Variants in PRELID2 observed in about 807,000 individuals in gnomAD.
PRELID2 encodes PRELI domain containing 2, also known as PRELI domain-containing protein 2.
PRELID2 carries 25 observed loss-of-function variants against 28.4 expected under a neutral mutation model. That is an observed-to-expected ratio of 0.88 (90% confidence interval 0.64 to 1.23). PRELID2 has a LOEUF of 1.23. Ranked by LOEUF, PRELID2 falls within the 50% of genes most tolerant of loss-of-function variation. The probability of loss-of-function intolerance (pLI) is 0.00; values close to 1 mark genes in which losing one functional copy is unlikely to be tolerated. For missense variants in PRELID2, 201 were observed against 214.4 expected (o/e 0.94, Z 0.39); for synonymous variants, 76 against 71.6 (o/e 1.06, Z -0.31).
chr5:145,363,405 C>T, the PRELID2 span, among the ~76,000 whole-genome samples: 75 of 152,074 alleles, frequency 4.9e-4, no homozygotes, highest in African/African-American at 1.7e-3. Context: ...AAATCAAAAT[C>T]CTGTGACAAG....
At chr5:145,310,969 C>T in the PRELID2 span, among the ~76,000 whole-genome samples, 2 of 152,004 alleles carry the variant, frequency 1.3e-5, no homozygotes, top group African/African-American at 4.8e-5. Flanking sequence ...TTCATATTTG[C>T]TTCCTCAGTC....
At chr5:145,358,925 T>A in the PRELID2 span, among the ~76,000 whole-genome samples, 1 of 152,196 alleles carries the variant, frequency 6.6e-6, no homozygotes, top group African/African-American at 2.4e-5. Context: ...AGGATGATAG[T>A]ACTAGCTTTG....
chr5:145,351,988 C>T, the PRELID2 span, among the ~76,000 whole-genome samples: 1 of 152,188 alleles, frequency 6.6e-6, no homozygotes, highest in Non-Finnish European at 1.5e-5. Context: ...GGCATCTCCA[C>T]CCCTGTGGCT....
chr5:145,571,525 A>G (rs1017518059), intron 1 of PRELID2, among the ~76,000 whole-genome samples: 4 of 152,186 alleles, frequency 2.6e-5, no homozygotes, highest in African/African-American at 9.7e-5. Flanking sequence ...ACCCTAATAT[A>G]TATTTCTTTG....
At chr5:145,641,975 A>G (rs1754115396) in intron 1 of PRELID2, among the ~76,000 whole-genome samples, 1 of 152,204 alleles carries the variant, frequency 6.6e-6, no homozygotes, top group African/African-American at 2.4e-5. Flanking sequence ...CAATATACAT[A>G]CGTGTGCATG....
chr5:145,435,728 G>C, the PRELID2 span, among the ~76,000 whole-genome samples: 1 of 152,040 alleles, frequency 6.6e-6, no homozygotes, highest in Non-Finnish European at 1.5e-5. Context: ...TTCCCATTTG[G>C]TGGAAATAAT....
intron 1 of PRELID2, among the ~76,000 whole-genome samples, chr5:145,713,203 C>A (rs796359941): frequency 5.3e-5 from 8 of 150,930 alleles, no homozygotes; most frequent in African/African-American, 1.7e-4. Flanking sequence ...CCTAAACAAG[C>A]TGAACAAAAA....
At chr5:145,524,689 C>T (rs1752592696) in intron 1 of PRELID2, among the ~76,000 whole-genome samples, 2 of 152,086 alleles carry the variant, frequency 1.3e-5, no homozygotes, top group Non-Finnish European at 2.9e-5. Flanking sequence ...GTGCATAAAC[C>T]CACAAAACTA....
chr5:145,741,761 T>C (rs1341110131), intron 1 of PRELID2, among the ~76,000 whole-genome samples: 8 of 117,454 alleles, frequency 6.8e-5, no homozygotes, highest in African/African-American at 2.7e-4. Context: ...TATTAATTTA[T>C]TTATATATAA....
At chr5:145,587,198 G>A (rs889716500) in intron 1 of PRELID2, among the ~76,000 whole-genome samples, 3 of 152,062 alleles carry the variant, frequency 2.0e-5, no homozygotes, top group Non-Finnish European at 2.9e-5. Context: ...TCACCAATTC[G>A]TGGCTGGCTA....
Position 145,757,203 on chromosome 5 carries a change from C to G in PRELID2, c.*3333G>C, listed in dbSNP as rs1757283422. On this transcript the variant is annotated 3_prime_UTR_variant, in exon 7 of 7. Transcript: ENST00000683046. ...ACATATATACTGCTTATAAAATACA[C>G]AAAGTAGTTCATAGAAAAAGAATAC... Among the ~76,000 whole-genome samples, 1 of 152,130 alleles carries G rather than the reference C, an allele frequency of 6.6e-6. No individual in the cohort carries two copies. The highest frequency in any genetic ancestry group is 2.4e-5 in the African/African-American group (1 of 41,424).
chr5:145,580,639 C>A (rs1313183834), intron 1 of PRELID2, among the ~76,000 whole-genome samples: 1 of 151,972 alleles, frequency 6.6e-6, no homozygotes, highest in Non-Finnish European at 1.5e-5. Context: ...AACAGCTAAG[C>A]CTTATGTGAA....
the PRELID2 span, among the ~76,000 whole-genome samples, chr5:145,299,795 T>C: frequency 6.6e-6 from 1 of 152,088 alleles, no homozygotes; most frequent in African/African-American, 2.4e-5. Flanking sequence ...GGTGATAATT[T>C]CTTTCTGCCA....
At position 145,588,160 on chromosome 5, in the gene PRELID2, T is replaced by G. The variant is rs542950625; in HGVS notation, n.71-114845A>C. On this transcript the variant is annotated intron_variant and non_coding_transcript_variant, in intron 1 of 2. Transcript: ENST00000510259. ...CTGTCATCAACATCATCATTTCCAT[T>G]TCTACCATTTATGGTATGCTCAGAT... 5.9e-5 allele frequency among the ~76,000 whole-genome samples: 9 copies of G among 152,304 alleles called. No homozygotes were observed. The South Asian group carries it at 1.9e-3, about 32-fold the overall frequency.
At chr5:145,431,325 G>C in the PRELID2 span, among the ~76,000 whole-genome samples, 1,630 of 151,920 alleles carry the variant, frequency 0.011, 35 homozygotes, top group African/African-American at 0.037. Context: ...TATAGTAATG[G>C]GTTATAACAT....
chr5:145,735,648 T>A (rs1756475832), intron 1 of PRELID2, among the ~76,000 whole-genome samples: 1 of 152,204 alleles, frequency 6.6e-6, no homozygotes, highest in South Asian at 2.1e-4. Flanking sequence ...GATAAGTATG[T>A]GGCCATGTAG....
chr5:145,653,654 G>T (rs1160559507), intron 1 of PRELID2, among the ~76,000 whole-genome samples: 2 of 152,136 alleles, frequency 1.3e-5, no homozygotes, highest in African/African-American at 2.4e-5. Context: ...TGACCACTGG[G>T]TACATAACGA....
intron 1 of PRELID2, among the ~76,000 whole-genome samples, chr5:145,667,793 A>G (rs1254932905): frequency 9.9e-5 from 15 of 152,072 alleles, no homozygotes; most frequent in Admixed American, 9.8e-4. Context: ...CTAGCACCAT[A>G]CCTTGCACTC....
the PRELID2 span, among the ~76,000 whole-genome samples, chr5:145,243,515 T>C: frequency 6.6e-6 from 1 of 152,056 alleles, no homozygotes; most frequent in Non-Finnish European, 1.5e-5. Flanking sequence ...CAATTTTGTT[T>C]TGATGTTTTG....
Sources: gnomAD v4.1 joint callset for allele counts (sites outside exome capture counted in the v4.1 genomes callset) on GRCh38, gnomAD v4.1.1 for gene constraint, MANE v1.5 for transcripts, NCBI Gene and HGNC (gene_info 2026-07-23, HGNC 2026-07-21) for gene names.